The following NKAIN2 variants were observed in gnomAD, a reference collection of about 807,000 sequenced individuals.
The protein encoded by NKAIN2 is sodium/potassium transporting ATPase interacting 2.
Under a neutral mutation model 32.6 loss-of-function variants are expected in NKAIN2, and 14 were observed. The ratio of observed to expected loss-of-function variants is 0.43; its 90% CI spans 0.28 to 0.67. The LOEUF is 0.67. Ranked by LOEUF, NKAIN2 falls within the 30% of genes least tolerant of loss-of-function variation. NKAIN2 has a pLI of 0.17. For missense variants in NKAIN2, 198 were observed against 258.3 expected (o/e 0.77, Z 1.60); for synonymous variants, 80 against 87.2 (o/e 0.92, Z 0.46).
intron 3 of NKAIN2, among the ~76,000 whole-genome samples, chr6:124,480,459 A>G (rs897519262): frequency 2.6e-5 from 4 of 152,276 alleles, no homozygotes; most frequent in Middle Eastern, 3.4e-3. Context: ...ATCAAGATCT[A>G]TGCCAGCATT....
intron 4 of NKAIN2, among the ~76,000 whole-genome samples, chr6:124,764,490 GA>G (rs1403480502): frequency 6.6e-6 from 1 of 152,100 alleles, no homozygotes; most frequent in African/African-American, 2.4e-5. Context: ...AAACTATCCT[GA>G]GAAGCAGCCC....
chr6:124,500,995 A>G, intron 3 of NKAIN2, among the ~76,000 whole-genome samples: 1 of 152,240 alleles, frequency 6.6e-6, no homozygotes, highest in East Asian at 1.9e-4. Flanking sequence ...ATGCTAAATA[A>G]CAGAAGAAAA....
intron 4 of NKAIN2, among the ~76,000 whole-genome samples, chr6:124,779,103 G>C (rs551099455): frequency 1.3e-5 from 2 of 151,976 alleles, no homozygotes; most frequent in African/African-American, 4.8e-5. Flanking sequence ...AGCTGGGCGT[G>C]GTGGCACAGG....
chr6:124,081,911 T>G (rs1217872350), intron 1 of NKAIN2, among the ~76,000 whole-genome samples: 4 of 152,004 alleles, frequency 2.6e-5, no homozygotes, highest in Non-Finnish European at 5.9e-5. Flanking sequence ...AAATTAAAAG[T>G]CTATCCTCTT....
At chr6:124,398,833 G>A (rs1773509405) in intron 3 of NKAIN2, among the ~76,000 whole-genome samples, 1 of 152,168 alleles carries the variant, frequency 6.6e-6, no homozygotes, top group African/African-American at 2.4e-5. Context: ...TTGAGACTAA[G>A]TATATACTCC....
chr6:124,599,771 A>G (rs1467126971), intron 3 of NKAIN2, among the ~76,000 whole-genome samples: 3 of 152,182 alleles, frequency 2.0e-5, no homozygotes, highest in African/African-American at 7.2e-5. Context: ...AGCTGTGAAT[A>G]GCAGAGCACA....
intron 4 of NKAIN2, among the ~76,000 whole-genome samples, chr6:124,662,824 T>A (rs1015746325): frequency 1.3e-5 from 2 of 152,234 alleles, no homozygotes; most frequent in Non-Finnish European, 2.9e-5. Context: ...ATGCCTCTTT[T>A]AATCTGGAAA....
chr6:124,049,188 G>C (rs9491058), intron 1 of NKAIN2, among the ~76,000 whole-genome samples: 22,071 of 151,844 alleles, frequency 0.15, 2,682 homozygotes, highest in African/African-American at 0.33. Context: ...TTACACGTAG[G>C]TTTTTTTGAG....
intron 3 of NKAIN2, among the ~76,000 whole-genome samples, chr6:124,621,068 C>A (rs1783088771): frequency 1.3e-5 from 2 of 152,256 alleles, no homozygotes; most frequent in South Asian, 4.1e-4. Flanking sequence ...ACCTGGGGAC[C>A]TTTAAGAACG....
intron 1 of NKAIN2, among the ~76,000 whole-genome samples, chr6:124,125,405 T>A (rs1051706201): frequency 2.6e-5 from 4 of 152,176 alleles, no homozygotes; most frequent in African/African-American, 9.6e-5. Context: ...AATATGTGTT[T>A]ATGAGACATC....
rs560254671 is a variant in NKAIN2, at chr6:123,995,499, C to T, written c.54+191245C>T. On this transcript the variant is annotated intron_variant, in intron 1 of 6. Coordinates refer to ENST00000368417, the MANE Select transcript of NKAIN2 (RefSeq NM_001040214.3). ...ACCAACCTGGTTATGTGGAGTTGCT[C>T]AAAAAAGAGTAAATTCTCTTTCATC... 1.6e-4 allele frequency among the ~76,000 whole-genome samples: 25 copies of T among 152,162 alleles called. No homozygotes were observed. The South Asian group carries it at 4.8e-3, about 29-fold the overall frequency.
intron 3 of NKAIN2, chr6:124,490,317 A>G: frequency 2.4e-6 from 1 of 413,954 alleles, no homozygotes. Context: ...TTAGAGAATG[A>G]CACCAAGTAA....
At chr6:124,447,810 A>C (rs1462275449) in intron 3 of NKAIN2, among the ~76,000 whole-genome samples, 2 of 152,046 alleles carry the variant, frequency 1.3e-5, no homozygotes. Context: ...TGGAGGTGCA[A>C]CTGAAACTCA....
At chr6:124,590,022 C>T (rs763011273) in intron 3 of NKAIN2, among the ~76,000 whole-genome samples, 5 of 152,194 alleles carry the variant, frequency 3.3e-5, no homozygotes, top group Non-Finnish European at 5.9e-5. Flanking sequence ...CTGGCAGACT[C>T]TGTTATCACT....
intron 2 of NKAIN2, among the ~76,000 whole-genome samples, chr6:124,353,416 G>T (rs1798821613): frequency 6.6e-6 from 1 of 152,116 alleles, no homozygotes; most frequent in South Asian, 2.1e-4. Context: ...ATGATAGGTG[G>T]TAAGAAGAGA....
At chr6:124,041,464 GTTA>G (rs142369160) in intron 1 of NKAIN2, among the ~76,000 whole-genome samples, 2,189 of 151,970 alleles carry the variant, frequency 0.014, 46 homozygotes, top group African/African-American at 0.05. Flanking sequence ...ATTTTTATTT[GTTA>G]TTATTCAGTT....
intron 3 of NKAIN2, among the ~76,000 whole-genome samples, chr6:124,646,738 G>A (rs369014670): frequency 1.3e-5 from 2 of 152,064 alleles, no homozygotes; most frequent in South Asian, 2.1e-4. Flanking sequence ...ATCACTTGAG[G>A]CCAGGAGTTT....
At chr6:124,765,749 A>C (rs1309801356) in intron 4 of NKAIN2, among the ~76,000 whole-genome samples, 1 of 152,196 alleles carries the variant, frequency 6.6e-6, no homozygotes, top group Non-Finnish European at 1.5e-5. Context: ...AATCTCTAAA[A>C]ACTGAAGAGT....
intron 3 of NKAIN2, among the ~76,000 whole-genome samples, chr6:124,574,800 C>T (rs993246013): frequency 2.5e-4 from 38 of 152,194 alleles, no homozygotes; most frequent in South Asian, 2.1e-3. Context: ...AACACTTATC[C>T]CCACTAATTT....
Sources: gnomAD v4.1 joint callset for allele counts (sites outside exome capture counted in the v4.1 genomes callset) on GRCh38, gnomAD v4.1.1 for gene constraint, MANE v1.5 for transcripts, NCBI Gene and HGNC (gene_info 2026-07-23, HGNC 2026-07-21) for gene names.